CES5A: variants seen among roughly 807,000 people sequenced by gnomAD.
The protein encoded by CES5A is carboxylesterase 5.
In CES5A, 67 loss-of-function variants were observed where a neutral mutation model predicts 62.9. The ratio of observed to expected loss-of-function variants is 1.07; its 90% CI spans 0.88 to 1.31. The LOEUF is 1.31. Among genes scored for constraint, CES5A ranks in the 50% most tolerant of loss-of-function variants. CES5A has a pLI of 0.00. For missense variants in CES5A, 748 were observed against 708.5 expected, an observed-to-expected ratio of 1.06 and a Z score of -0.63; for synonymous variants, 296 against 280.8, an observed-to-expected ratio of 1.05 and a Z score of -0.54.
upstream of CES5A, among the ~76,000 whole-genome samples, chr16:55,877,466 G>GTATATATA (rs10691094): frequency 1.4e-5 from 2 of 147,698 alleles, no homozygotes; most frequent in African/African-American, 5.1e-5. Context: ...GTGTGTGTGT[G>GTATATATA]TATATATATA....
chr16:55,949,500 C>A (rs1207352380), intron 2 of CES5A, among the ~76,000 whole-genome samples: 1 of 152,102 alleles, frequency 6.6e-6, no homozygotes, highest in East Asian at 1.9e-4. Flanking sequence ...CAATGCCCAC[C>A]ACATCCCCTC....
upstream of CES5A, among the ~76,000 whole-genome samples, chr16:55,929,356 C>G (rs1431910731): frequency 6.6e-6 from 1 of 152,216 alleles, no homozygotes; most frequent in Non-Finnish European, 1.5e-5. Flanking sequence ...GCATCCCCCT[C>G]ATACCCCCTC....
At chr16:55,901,115 TGTGG>T (rs1361129235) in intron 1 of CES5A, among the ~76,000 whole-genome samples, 6 of 152,260 alleles carry the variant, frequency 3.9e-5, no homozygotes, top group African/African-American at 1.4e-4. Context: ...AATTGAATCA[TGTGG>T]GTGGGTCTTT....
intron 2 of CES5A, among the ~76,000 whole-genome samples, chr16:55,873,458 T>C (rs1360895701): frequency 6.6e-6 from 1 of 152,118 alleles, no homozygotes; most frequent in African/African-American, 2.4e-5. Context: ...CACAAGAAGA[T>C]ACCTAGACAG....
chr16:55,951,446 G>A (rs140691107), intron 1 of CES5A, among the ~76,000 whole-genome samples: 3 of 152,066 alleles, frequency 2.0e-5, no homozygotes, highest in Non-Finnish European at 4.4e-5. Flanking sequence ...ATAAAAAATA[G>A]GTTGAATAAT....
intron 2 of CES5A, among the ~76,000 whole-genome samples, chr16:55,945,061 T>C (rs1014265550): frequency 1.3e-5 from 2 of 152,234 alleles, no homozygotes; most frequent in Non-Finnish European, 2.9e-5. Flanking sequence ...ATGGGGTTAA[T>C]AATAGGCTTG....
At chr16:55,879,442 C>T (rs1567338553), upstream of CES5A, among the ~76,000 whole-genome samples, 1 of 151,620 alleles carries the variant, frequency 6.6e-6, no homozygotes, top group Admixed American at 6.6e-5. Flanking sequence ...CACTATCTCC[C>T]ATCCCTGCAA....
chr16:55,943,609 C>G (rs556549879), intron 2 of CES5A, among the ~76,000 whole-genome samples: 1 of 152,302 alleles, frequency 6.6e-6, no homozygotes, highest in South Asian at 2.1e-4. Flanking sequence ...TAAAAATATG[C>G]TAAAACAAAC....
intron 1 of CES5A, among the ~76,000 whole-genome samples, chr16:55,886,472 T>C (rs1319225293): frequency 1.3e-5 from 2 of 152,144 alleles, no homozygotes; most frequent in Non-Finnish European, 2.9e-5. Context: ...ATCCAAGTCA[T>C]GTCAACCAGC....
chr16:55,906,136 T>C (rs1232427723), intron 1 of CES5A, among the ~76,000 whole-genome samples: 11 of 152,154 alleles, frequency 7.2e-5, no homozygotes, highest in African/African-American at 2.7e-4. Flanking sequence ...AAGGAGTCTG[T>C]TACAGACGAT....
intron 4 of CES5A, among the ~76,000 whole-genome samples, chr16:55,868,996 G>T (rs1359965155): frequency 2.6e-5 from 4 of 152,246 alleles, no homozygotes; most frequent in Non-Finnish European, 5.9e-5. Context: ...TGTTAGGCCT[G>T]ATTGGAGGAG....
intron 9 of CES5A, among the ~76,000 whole-genome samples, chr16:55,855,653 C>T (rs1437097844): frequency 2.0e-5 from 3 of 152,176 alleles, no homozygotes; most frequent in Non-Finnish European, 4.4e-5. Context: ...AGAGAAACAT[C>T]TGAATAGTGG....
At chr16:55,914,144 A>G (rs1053811025) in intron 1 of CES5A, among the ~76,000 whole-genome samples, 2 of 152,232 alleles carry the variant, frequency 1.3e-5, no homozygotes, top group South Asian at 4.1e-4. Flanking sequence ...CTAAAGTTCA[A>G]CTTTTACAGG....
At chr16:55,932,274 A>G (rs189287670) in intron 2 of CES5A, among the ~76,000 whole-genome samples, 48 of 152,144 alleles carry the variant, frequency 3.2e-4, no homozygotes, top group African/African-American at 1.1e-3. Context: ...ACCAGATGCA[A>G]CCCCTTGATT....
At chr16:55,887,491 C>A (rs1242145454) in intron 1 of CES5A, among the ~76,000 whole-genome samples, 1 of 152,028 alleles carries the variant, frequency 6.6e-6, no homozygotes, top group Non-Finnish European at 1.5e-5. Context: ...ATGTGGCAAG[C>A]CAAGTCATCC....
chr16:55,931,326 C>G (rs2034309491), intron 2 of CES5A, among the ~76,000 whole-genome samples: 1 of 152,180 alleles, frequency 6.6e-6, no homozygotes, highest in Non-Finnish European at 1.5e-5. Flanking sequence ...CAATGAGGAA[C>G]AGAGGCAAGA....
intron 7 of CES5A, among the ~76,000 whole-genome samples, chr16:55,860,213 T>C (rs543492906): frequency 1.3e-5 from 2 of 152,248 alleles, no homozygotes; most frequent in African/African-American, 4.8e-5. Flanking sequence ...CCCTCTACCA[T>C]GATTGTGAGA....
intron 1 of CES5A, among the ~76,000 whole-genome samples, chr16:55,951,130 A>C (rs1364844266): frequency 7.1e-6 from 1 of 140,616 alleles, no homozygotes; most frequent in Non-Finnish European, 1.6e-5. Context: ...AAAAAAAAAA[A>C]GACCCACACT....
At chr16:55,922,049 A>G (rs556985639) in intron 1 of CES5A, among the ~76,000 whole-genome samples, 2 of 152,176 alleles carry the variant, frequency 1.3e-5, no homozygotes, top group East Asian at 3.9e-4. Flanking sequence ...AGACTCACTA[A>G]AAATAAAAAG....
Sources: allele counts gnomAD v4.1 joint callset (sites outside exome capture counted in the v4.1 genomes callset), GRCh38; gene constraint gnomAD v4.1.1; transcripts MANE v1.5; gene names NCBI Gene and HGNC (gene_info 2026-07-23, HGNC 2026-07-21).